The following NLRP9 variants were observed in gnomAD, a reference collection of about 807,000 sequenced individuals.
The protein encoded by NLRP9 is NACHT, LRR and PYD domains-containing protein 9.
NLRP9 carries 88 observed loss-of-function variants against 83.1 expected under a neutral mutation model. That is an observed-to-expected ratio of 1.06 (90% CI 0.89 to 1.26). The LOEUF is 1.26. Ranked by LOEUF, NLRP9 falls within the 50% of genes most tolerant of loss-of-function variation. NLRP9 has a pLI of 0.00. For missense variants in NLRP9, 1,308 were observed against 1,179.3 expected (o/e 1.11, Z -1.60); for synonymous variants, 521 against 447.6 (o/e 1.16, Z -2.07).
At chr19:55,712,297 T>C in intron 7 of NLRP9, 123 bp downstream of exon 7, 2 of 805,710 alleles carry the variant, frequency 2.5e-6, no homozygotes, top group Non-Finnish European at 3.9e-6. Flanking sequence ...GCATTTTACA[T>C]ATCAGATCGT....
intron 5 of NLRP9, 126 bp from the exon 6 acceptor site, chr19:55,715,351 C>T: frequency 1.2e-6 from 1 of 800,602 alleles, no homozygotes; most frequent in Admixed American, 2.9e-5. Context: ...TTGTCCCAGG[C>T]AAAACCTTTC....
At position 55,738,354 on chromosome 19, in the gene NLRP9, C is replaced by T. The variant is rs764283824; in HGVS notation, c.21G>A (p.Ser7=). 53 of 1,609,456 alleles carry T rather than the reference C, an allele frequency of 3.3e-5. No individual in the cohort carries two copies. Among genetic ancestry groups the T allele is most frequent in the Middle Eastern group, 1.7e-4 (1 of 6,042 alleles). ...TCAGATACCACAACAAGCCAAAATC[C>T]GAAAAAAAAGATTCTGCCATATCGC... is the stretch of plus-strand genomic sequence containing the variant. MAESFF[S]DFGLLWYLKE... The change falls in exon 1 of 9, where the codon TCG becomes TCA. Residue 7 remains serine (S), a synonymous_variant. Coordinates refer to ENST00000332836, the MANE Select transcript of NLRP9 (RefSeq NM_176820.4).
intron 8 of NLRP9, 141 bp from the exon 9 acceptor site, chr19:55,709,185 CA>C (rs1477503736): frequency 1.8e-6 from 1 of 566,982 alleles, no homozygotes; most frequent in East Asian, 3.5e-5. Context: ...ATTTGAAAAA[CA>C]AGCATGAATC....
At chr19:55,713,256 C>A (rs1012129285) in intron 6 of NLRP9, among the ~76,000 whole-genome samples, 1 of 151,586 alleles carries the variant, frequency 6.6e-6, no homozygotes, top group Non-Finnish European at 1.5e-5. Context: ...AGGCCCCAAG[C>A]TGGTGATTCC....
Position 55,733,355 on chromosome 19 carries a change from GT to G in NLRP9, c.475del (p.Thr159GlnfsTer4). The G allele has an allele frequency of 6.2e-7, 1 of 1,614,146 alleles. No homozygotes were observed. On this transcript the variant is annotated frameshift_variant, in exon 2 of 9. Coordinates refer to ENST00000332836, the MANE Select transcript of NLRP9 (RefSeq NM_176820.4). LOFTEE classifies it high-confidence loss of function. ...VLEGPDGIGKTTLLRKVMLDW... is the reference protein window; with the variant it reads ...VLEGPDGIGKXTLLRKVMLDW... ...CAACATCACTTTTCTTAAAAGGGTTGTTTTTCCAATTCCATCAGGACCTTCC... is the reference window on the plus strand; with the variant it reads ...CAACATCACTTTTCTTAAAAGGGTTGTTTTCCAATTCCATCAGGACCTTCC...
chr19:55,734,114 G>A (rs1342670826), intron 1 of NLRP9, among the ~76,000 whole-genome samples: 2 of 151,202 alleles, frequency 1.3e-5, no homozygotes, highest in Non-Finnish European at 2.9e-5. Context: ...TAGTAGAGAC[G>A]GAGTTTCACC....
In NLRP9 at chr19:55,723,527, G is replaced by A. The variant is rs567098331; in HGVS notation, c.2159+453C>T. Among the ~76,000 whole-genome samples, 9 of 152,114 alleles carry A rather than the reference G, an allele frequency of 5.9e-5. No individual in the cohort carries two copies. In the East Asian group the frequency reaches 1.5e-3, roughly 26 times the overall value. ...AGATTGGTTGAGACCACGAGTGCAA[G>A]ATCAGCCGGGGCAATATGGTGAAAC... On this transcript the variant is annotated intron_variant, in intron 4 of 8. Transcript: ENST00000332836.
intron 7 of NLRP9, 147 bp from the exon 8 acceptor site, chr19:55,712,117 G>A: frequency 1.2e-6 from 1 of 803,100 alleles, no homozygotes; most frequent in South Asian, 1.7e-5. Flanking sequence ...TGTGCTCCTG[G>A]GGGACGTATG....
At chr19:55,712,707 G>C (rs563941008) in intron 6 of NLRP9, 117 bp from the exon 7 acceptor site, 1 of 791,280 alleles carries the variant, frequency 1.3e-6, no homozygotes, top group African/African-American at 1.9e-5. Flanking sequence ...GAGATGATGA[G>C]GAGGGTGGGG....
chr19:55,711,035 G>A (rs545766410), intron 8 of NLRP9, among the ~76,000 whole-genome samples: 15 of 151,212 alleles, frequency 9.9e-5, no homozygotes, highest in Admixed American at 3.3e-4. Flanking sequence ...GAAGTGAGCT[G>A]AGACTGTGCC....
chr19:55,709,991 AAAG>A (rs1380525515), intron 8 of NLRP9: 10 of 152,346 alleles, frequency 6.6e-5, no homozygotes, highest in East Asian at 5.8e-4. Context: ...CCAATTATAA[AAAG>A]AAGTTGAGGA....
chr19:55,716,172 T>C lies in NLRP9; in HGVS notation c.2330+556A>G, dbSNP rs866622105. Reference sequence around the variant, plus strand: ...ATAACTCTGTTAATTAGCTTGATTATAGTAATCATTTTACAGTGTATGCAT... The same window carrying C: ...ATAACTCTGTTAATTAGCTTGATTACAGTAATCATTTTACAGTGTATGCAT... On this transcript the variant is annotated intron_variant, in intron 5 of 8. Coordinates refer to ENST00000332836, the MANE Select transcript of NLRP9 (RefSeq NM_176820.4). 2.6e-5 allele frequency among the ~76,000 whole-genome samples: 4 copies of C among 152,152 alleles called. No individual in the cohort carries two copies. In the South Asian group the frequency reaches 6.2e-4, roughly 24 times the overall value.
At chr19:55,711,313 C>T (rs1345414352) in intron 8 of NLRP9, 2 of 944,140 alleles carry the variant, frequency 2.1e-6, no homozygotes, top group Non-Finnish European at 2.5e-6. Context: ...ATAAAAAATT[C>T]ATCCTACAGA....
In NLRP9 at chr19:55,712,530, G is replaced by T. The variant is rs1987778045; in HGVS notation, c.2562C>A (p.Cys854Ter). Residue 854 changes from cysteine (C) to a stop codon, truncating the protein, a stop_gained, in exon 7 of 9, where the codon TGC (cysteine) becomes TGA (stop). Coordinates refer to ENST00000332836, the MANE Select transcript of NLRP9 (RefSeq NM_176820.4). LOFTEE classifies it high-confidence loss of function. Reference sequence around the variant, plus strand: ...GTTTCAGGGTCTTCAGTTTCCCATTGCAAATAAGAACAGCAGCAATGTCCT... The same window carrying T: ...GTTTCAGGGTCTTCAGTTTCCCATTTCAAATAAGAACAGCAGCAATGTCCT... ...SCKDIAAVLI[C>*]NGKLKTLKLG... 2.5e-6 allele frequency: 4 copies of T among 1,612,510 alleles called. No individual in the cohort carries two copies. Among genetic ancestry groups the T allele is most frequent in the South Asian group, 1.1e-5 (1 of 91,042 alleles).
At chr19:55,735,223 C>T (rs1988753789) in intron 1 of NLRP9, among the ~76,000 whole-genome samples, 1 of 152,182 alleles carries the variant, frequency 6.6e-6, no homozygotes, top group African/African-American at 2.4e-5. Context: ...CACCGTCGCA[C>T]AGGAGTTATT....
At position 55,738,213 on chromosome 19, in the gene NLRP9, A is replaced by G. The variant is rs142730505; in HGVS notation, c.162T>C (p.Asp54=). 1.5e-3 allele frequency: 2,391 copies of G among 1,614,148 alleles called. 22 individuals carry two copies. In the African/African-American group the frequency reaches 0.028, roughly 19 times the overall value. ...AATGTTTGTCCAGCAGCTTTGCTAC[A>G]TCTTCTTTGGAGGCCTTCTTCAGCT... ...WAELKKASKE[D]VAKLLDKHYP... is the part of the protein sequence containing the mutation. Residue 54 remains aspartate, a synonymous_variant, in exon 1 of 9, where the codon GAT becomes GAC. Transcript: ENST00000332836.
chr19:55,709,012 T>TGAGTTTCTTCA lies in NLRP9; in HGVS notation c.2865_2875dup (p.Gln959LeufsTer8). Reference sequence around the variant, plus strand: ...TTCTTCCACAGACATCAGGATCTTCTGAGTTTCTTCATCAAAGCCAGATTT... The same window carrying TGAGTTTCTTCA: ...TTCTTCCACAGACATCAGGATCTTCTGAGTTTCTTCAGAGTTTCTTCATCAAAGCCAGATTT... On this transcript the variant is annotated frameshift_variant, in exon 9 of 9. Transcript: ENST00000332836. LOFTEE classifies it low-confidence loss of function (END_TRUNC). 6.3e-7 allele frequency: 1 copy of TGAGTTTCTTCA among 1,583,568 alleles called. No individual in the cohort carries two copies. Among genetic ancestry groups the TGAGTTTCTTCA allele is most frequent in the Non-Finnish European group, 8.5e-7 (1 of 1,169,880 alleles).
chr19:55,712,365 T>G, intron 7 of NLRP9, 55 bp downstream of exon 7: 1 of 1,468,328 alleles, frequency 6.8e-7, no homozygotes, highest in Non-Finnish European at 9.4e-7. Context: ...CCTCCAGCAA[T>G]TCCTATTCTT....
chr19:55,722,313 A>G (rs1005960384), intron 4 of NLRP9, among the ~76,000 whole-genome samples: 1 of 152,196 alleles, frequency 6.6e-6, no homozygotes, highest in Non-Finnish European at 1.5e-5. Flanking sequence ...ATGGAGCAAA[A>G]TACTATAGAA....
Sources: gnomAD v4.1 joint callset for allele counts (sites outside exome capture counted in the v4.1 genomes callset) on GRCh38, gnomAD v4.1.1 for gene constraint, MANE v1.5 for transcripts, NCBI Gene and HGNC (gene_info 2026-07-23, HGNC 2026-07-21) for gene names.